The following ZFHX3 variants were observed in gnomAD, a reference collection of about 807,000 sequenced individuals.
ZFHX3 encodes zinc finger homeobox 3.
In ZFHX3, 42 loss-of-function variants were observed where a neutral mutation model predicts 279.1. The ratio of observed to expected loss-of-function variants is 0.15; its 90% CI spans 0.12 to 0.19. The LOEUF (loss-of-function observed/expected upper bound fraction) is 0.19, where lower values mean the gene tolerates loss of function less well. Ranked by LOEUF, ZFHX3 falls within the 10% of genes least tolerant of loss-of-function variation. The pLI, the probability that ZFHX3 is intolerant of heterozygous loss-of-function variation, is 1.00. For synonymous variants in ZFHX3, 2,293 were observed against 1,957.8 expected (o/e 1.17, Z -4.52); for missense variants, 4,981 against 4,754.0 (o/e 1.05, Z -1.40).
At chr16:73,426,595 TGAGA>T (rs1188117419) in intron 3 of ZFHX3, among the ~76,000 whole-genome samples, 1 of 151,962 alleles carries the variant, frequency 6.6e-6, no homozygotes, top group Non-Finnish European at 1.5e-5. Flanking sequence ...TGTGTGTGTG[TGAGA>T]GAGAGAGCCA....
intron 2 of ZFHX3, among the ~76,000 whole-genome samples, chr16:73,491,276 C>G (rs1218440767): frequency 6.6e-6 from 1 of 152,124 alleles, no homozygotes; most frequent in African/African-American, 2.4e-5. Flanking sequence ...TGGAAAAGGA[C>G]CTGGCTTTTA....
At chr16:73,119,115 T>TA (rs1048588732) in intron 7 of ZFHX3, among the ~76,000 whole-genome samples, 1 of 5,622 alleles carries the variant, frequency 1.8e-4, no homozygotes, top group African/African-American at 1.4e-3. Context: ...TTTATTTTTA[T>TA]TTTTTTGAGA....
intron 3 of ZFHX3, among the ~76,000 whole-genome samples, chr16:72,948,843 G>A (rs963929853): frequency 1.2e-4 from 18 of 152,188 alleles, no homozygotes; most frequent in Non-Finnish European, 1.9e-4. Context: ...TCTTGACCAC[G>A]TCGGCACCAT....
chr16:73,674,502 C>T (rs977701539), intron 2 of ZFHX3, among the ~76,000 whole-genome samples: 3 of 152,332 alleles, frequency 2.0e-5, no homozygotes, highest in Non-Finnish European at 1.5e-5. Context: ...ATAGACAACA[C>T]TCAGCATGAA....
chr16:73,640,385 T>C (rs980259109), intron 2 of ZFHX3, among the ~76,000 whole-genome samples: 3 of 150,334 alleles, frequency 2.0e-5, no homozygotes, highest in South Asian at 2.1e-4. Context: ...GGAAGATATT[T>C]GGAGGAAGCT....
intron 3 of ZFHX3, among the ~76,000 whole-genome samples, chr16:72,898,055 TAATC>T (rs1205423898): frequency 1.3e-5 from 2 of 152,212 alleles, no homozygotes; most frequent in African/African-American, 4.8e-5. Context: ...GTTAATTTTT[TAATC>T]AGTCAGATCG....
chr16:73,165,861 G>C lies in ZFHX3; in HGVS notation c.-1103-22030C>G, dbSNP rs115038742. 7.4e-3 allele frequency among the ~76,000 whole-genome samples: 1,120 copies of C among 152,324 alleles called. 15 individuals are homozygous for C. Among genetic ancestry groups the C allele is most frequent in the African/African-American group, 0.026 (1,072 of 41,580 alleles). On this transcript the variant is annotated intron_variant, in intron 5 of 17. Coordinates refer to the ZFHX3 transcript ENST00000641206. The stretch of plus-strand genomic sequence containing the variant: ...TCCCAACAATGACATGGATAGTAGA[G>C]TTGAAGGTAGTAATTATATTTTGTA...
At chr16:73,699,411 G>C (rs1313390675) in intron 1 of ZFHX3, among the ~76,000 whole-genome samples, 2 of 152,178 alleles carry the variant, frequency 1.3e-5, no homozygotes, top group Non-Finnish European at 2.9e-5. Flanking sequence ...CTGCCTGTCT[G>C]TCTCAGTCAT....
At chr16:73,767,729 G>A (rs1243869546) in intron 1 of ZFHX3, among the ~76,000 whole-genome samples, 1 of 152,100 alleles carries the variant, frequency 6.6e-6, no homozygotes. Context: ...GAGGTACTGG[G>A]TCTCAGTTCT....
intron 5 of ZFHX3, among the ~76,000 whole-genome samples, chr16:73,151,862 A>G (rs1966950207): frequency 6.8e-6 from 1 of 146,626 alleles, no homozygotes; most frequent in South Asian, 2.2e-4. Context: ...TATCAGTTAA[A>G]AGAAGAATGC....
upstream of ZFHX3, among the ~76,000 whole-genome samples, chr16:73,060,010 A>C (rs1011505798): frequency 1.3e-5 from 2 of 152,212 alleles, no homozygotes; most frequent in Admixed American, 1.3e-4. Flanking sequence ...TCTGGACTTA[A>C]GAGAAAAGTA....
chr16:73,473,827 A>G (rs1466584503), intron 2 of ZFHX3, among the ~76,000 whole-genome samples: 4 of 152,206 alleles, frequency 2.6e-5, no homozygotes, highest in African/African-American at 2.4e-5. Context: ...TCAGGGAAGC[A>G]TCAAATGAAC....
At chr16:73,395,186 T>C (rs928839930) in intron 3 of ZFHX3, among the ~76,000 whole-genome samples, 2 of 152,200 alleles carry the variant, frequency 1.3e-5, no homozygotes, top group African/African-American at 4.8e-5. Context: ...TCATCTGGGC[T>C]GAGCACAGTG....
chr16:73,696,804 T>C (rs2053201755), intron 1 of ZFHX3, among the ~76,000 whole-genome samples: 1 of 152,188 alleles, frequency 6.6e-6, no homozygotes, highest in Non-Finnish European at 1.5e-5. Context: ...GTGGCTTTCA[T>C]ATCTTTAGTC....
chr16:73,248,661 G>GTA (rs1260106400), intron 5 of ZFHX3, among the ~76,000 whole-genome samples: 1 of 151,954 alleles, frequency 6.6e-6, no homozygotes, highest in Non-Finnish European at 1.5e-5. Context: ...GTGTGTGTGT[G>GTA]TGTGCACGTG....
chr16:73,083,952 T>C (rs1965978899), intron 8 of ZFHX3, among the ~76,000 whole-genome samples: 1 of 152,180 alleles, frequency 6.6e-6, no homozygotes, highest in Non-Finnish European at 1.5e-5. Context: ...GGGCCATGGT[T>C]CTCAACTGGG....
chr16:73,464,911 G>T (rs1321810782), intron 2 of ZFHX3, among the ~76,000 whole-genome samples: 1 of 152,142 alleles, frequency 6.6e-6, no homozygotes, highest in African/African-American at 2.4e-5. Context: ...CAGGTCCCTT[G>T]GAAGGCCTGG....
intron 2 of ZFHX3, among the ~76,000 whole-genome samples, chr16:73,603,839 CATG>C (rs113664119): frequency 1.5e-3 from 199 of 136,824 alleles, no homozygotes; most frequent in African/African-American, 5.0e-3. Flanking sequence ...AGTGGCGTGG[CATG>C]ATATCGGCTC....
At chr16:73,367,728 C>T (rs1374961441) in intron 3 of ZFHX3, among the ~76,000 whole-genome samples, 1 of 152,156 alleles carries the variant, frequency 6.6e-6, no homozygotes, top group Non-Finnish European at 1.5e-5. Context: ...CTCATTCTTC[C>T]CATCTGTAAA....
Sources: gnomAD v4.1 joint callset for allele counts (sites outside exome capture counted in the v4.1 genomes callset) on GRCh38, gnomAD v4.1.1 for gene constraint, MANE v1.5 for transcripts, NCBI Gene and HGNC (gene_info 2026-07-23, HGNC 2026-07-21) for gene names.